The following AGAP1 variants were observed in gnomAD, a reference collection of about 807,000 sequenced individuals.
AGAP1 encodes ArfGAP with GTPase domain, ankyrin repeat and PH domain 1.
Under a neutral mutation model 105.3 loss-of-function variants are expected in AGAP1, and 29 were observed. The observed-to-expected ratio is 0.28, with a 90% CI of 0.21 to 0.38. The LOEUF (loss-of-function observed/expected upper bound fraction) is 0.38. Among genes scored for constraint, AGAP1 ranks in the 10% least tolerant of loss-of-function variants. The pLI is 1.00. For missense variants in AGAP1, 998 were observed against 1,165.1 expected (o/e 0.86, Z 2.09); for synonymous variants, 509 against 485.9 (o/e 1.05, Z -0.63).
At position 236,020,400 on chromosome 2, in the gene AGAP1, C is replaced by T. The variant is rs2056846191; in HGVS notation, c.1646-16161C>T. On this transcript the variant is annotated intron_variant, in intron 13 of 17. Coordinates refer to ENST00000304032, the MANE Select transcript of AGAP1 (RefSeq NM_001037131.3). The surrounding 1 kb of genome is among the most constrained non-coding windows in gnomAD (Gnocchi z 5.0). ...GGGGGAATTTAGAAATGAAACTTAACCTGTTATCTAGACTTTTAAACCTAC... is the reference window on the plus strand; with the variant it reads ...GGGGGAATTTAGAAATGAAACTTAATCTGTTATCTAGACTTTTAAACCTAC... Among the ~76,000 whole-genome samples the T allele has an allele frequency of 6.6e-6, 1 of 152,154 alleles. No homozygotes were observed. Among genetic ancestry groups the T allele is most frequent in the Non-Finnish European group, 1.5e-5 (1 of 68,026 alleles).
At position 235,714,547 on chromosome 2, in the gene AGAP1, G is replaced by T. The variant is rs371485225; in HGVS notation, c.223-3010G>T. Among the ~76,000 whole-genome samples, 1 of 151,654 alleles carries T rather than the reference G, an allele frequency of 6.6e-6. No individual in the cohort carries two copies. Among genetic ancestry groups the T allele is most frequent in the African/African-American group, 2.4e-5 (1 of 41,280 alleles). ...TTGACTAGAAGGCCAAGCAGGGAGC[G>T]GGCAGATGAGAGGCGGGAGGGTTGT... On this transcript the variant is annotated intron_variant, in intron 2 of 17. Transcript: ENST00000304032. This position sits in a 1 kb window ranked among gnomAD's most constrained non-coding sequence, Gnocchi z 4.1.
chr2:235,613,914 G>C (rs1946223140), intron 1 of AGAP1, among the ~76,000 whole-genome samples: 1 of 152,160 alleles, frequency 6.6e-6, no homozygotes, highest in Non-Finnish European at 1.5e-5. Context: ...TGCTGTGTAG[G>C]GGACTTAGGT....
At chr2:236,010,812 G>A (rs2056484824) in intron 13 of AGAP1, among the ~76,000 whole-genome samples, 1 of 152,182 alleles carries the variant, frequency 6.6e-6, no homozygotes, top group Admixed American at 6.6e-5. Flanking sequence ...GTTTGGGAGT[G>A]AGTCTCTCTG....
rs1269182389 is a variant in AGAP1 at position 235,596,008 on chromosome 2, G to A, written c.163+101159G>A. Among the ~76,000 whole-genome samples the A allele has an allele frequency of 1.3e-5, 2 of 152,204 alleles. No homozygotes were observed. The highest frequency in any genetic ancestry group is 2.9e-5 in the Non-Finnish European group (2 of 68,040). On this transcript the variant is annotated intron_variant, in intron 1 of 17. Transcript: ENST00000304032. The surrounding 1 kb of genome is among the most constrained non-coding windows in gnomAD (Gnocchi z 5.9). ...ACAGGGGCCGGCAGATGTTTCTGATGTTATGAAGCTATGCTCCTGGAAGTG... is the reference window on the plus strand; with the variant it reads ...ACAGGGGCCGGCAGATGTTTCTGATATTATGAAGCTATGCTCCTGGAAGTG...
At chr2:235,853,818 C>A (rs1418093651) in intron 9 of AGAP1, among the ~76,000 whole-genome samples, 1 of 151,940 alleles carries the variant, frequency 6.6e-6, no homozygotes, top group Non-Finnish European at 1.5e-5. Context: ...AGGATGGTCG[C>A]TAGCTTGTTT....
At chr2:235,834,603 T>G (rs76957179) in intron 9 of AGAP1, among the ~76,000 whole-genome samples, 2 of 152,194 alleles carry the variant, frequency 1.3e-5, no homozygotes, top group African/African-American at 4.8e-5. Flanking sequence ...AATGTCAGTT[T>G]TTTGGGTACC....
At chr2:235,509,951 C>G (rs2149024779) in intron 1 of AGAP1, among the ~76,000 whole-genome samples, 1 of 152,148 alleles carries the variant, frequency 6.6e-6, no homozygotes, top group East Asian at 1.9e-4. Flanking sequence ...GCATTAGATT[C>G]TCATAAGCGC....
chr2:236,071,351 A>C (rs534962323), intron 16 of AGAP1, among the ~76,000 whole-genome samples: 4 of 151,994 alleles, frequency 2.6e-5, no homozygotes, highest in Non-Finnish European at 5.9e-5. Context: ...CCTGCTGAGC[A>C]CCTCGGTGGT....
In AGAP1 at chr2:235,600,211, G is replaced by A. The variant is rs560903362; in HGVS notation, c.163+105362G>A. Among the ~76,000 whole-genome samples, 13 of 152,338 alleles carry A rather than the reference G, an allele frequency of 8.5e-5. No homozygotes were observed. In the South Asian group the frequency reaches 2.7e-3, roughly 32 times the overall value. Reference sequence around the variant, plus strand: ...TAGCTCATCTGGCAGCAGGGCCAGAGCTGATGATCTAATTCGGATGATTTA... The same window carrying A: ...TAGCTCATCTGGCAGCAGGGCCAGAACTGATGATCTAATTCGGATGATTTA... On this transcript the variant is annotated intron_variant, in intron 1 of 17. Coordinates refer to ENST00000304032, the MANE Select transcript of AGAP1 (RefSeq NM_001037131.3). This position sits in a 1 kb window ranked among gnomAD's most constrained non-coding sequence, Gnocchi z 4.8.
intron 15 of AGAP1, among the ~76,000 whole-genome samples, chr2:236,048,524 G>A (rs1323430913): frequency 6.6e-6 from 1 of 152,208 alleles, no homozygotes; most frequent in Non-Finnish European, 1.5e-5. Flanking sequence ...TTTCTTCACT[G>A]TAGTGTACCT....
intron 13 of AGAP1, among the ~76,000 whole-genome samples, chr2:235,999,294 T>A (rs1576013681): frequency 1.2e-5 from 1 of 82,936 alleles, no homozygotes. Context: ...TGAGAGGTGG[T>A]GGTGGTGATG....
chr2:235,884,611 C>T (rs1159295021), intron 10 of AGAP1, among the ~76,000 whole-genome samples: 1 of 151,908 alleles, frequency 6.6e-6, no homozygotes, highest in African/African-American at 2.4e-5. Context: ...CCACCATGCC[C>T]AGCTAAATTT....
rs115680140 is a variant in AGAP1 at position 235,709,138 on chromosome 2, G to T, written c.164-41G>T. On this transcript the variant is annotated intron_variant, in intron 1 of 17. Transcript: ENST00000304032. ...GGAGGCATTTTGACTTGGCCTTTAC[G>T]TGAGTTATGGTGTCTGACTTTGTGT... 2.6e-4 allele frequency: 412 copies of T among 1,607,790 alleles called. 3 individuals carry two copies. In the East Asian group the frequency reaches 8.7e-3, roughly 34 times the overall value.
chr2:235,828,113 C>G (rs1959166751), intron 9 of AGAP1, among the ~76,000 whole-genome samples: 1 of 152,206 alleles, frequency 6.6e-6, no homozygotes, highest in South Asian at 2.1e-4. Context: ...CAAATGTTTT[C>G]TGGCTTGTTC....
intron 1 of AGAP1, among the ~76,000 whole-genome samples, chr2:235,658,764 T>C (rs988206871): frequency 6.6e-6 from 1 of 152,240 alleles, no homozygotes; most frequent in African/African-American, 2.4e-5. Context: ...TCCTAATCAC[T>C]GGGCTGTTCT....
chr2:235,954,241 A>C (rs1575872352), intron 12 of AGAP1, among the ~76,000 whole-genome samples: 1 of 21,642 alleles, frequency 4.6e-5, no homozygotes, highest in African/African-American at 4.6e-4. Flanking sequence ...TCTGCCTCCA[A>C]AAAAAAAAAA....
intron 9 of AGAP1, among the ~76,000 whole-genome samples, chr2:235,818,428 C>T (rs548763142): frequency 1.3e-5 from 2 of 152,252 alleles, no homozygotes; most frequent in East Asian, 3.9e-4. Flanking sequence ...CTGTGCTCAC[C>T]ATGACCGTCT....
At chr2:236,034,868 G>A (rs1404104374) in intron 13 of AGAP1, among the ~76,000 whole-genome samples, 2 of 152,194 alleles carry the variant, frequency 1.3e-5, no homozygotes, top group Non-Finnish European at 2.9e-5. Flanking sequence ...GAGGCCATGG[G>A]CCCTCTCTGG....
In AGAP1 at chr2:235,971,283, C is replaced by T. The variant is rs184665356; in HGVS notation, c.1645+2660C>T. Among the ~76,000 whole-genome samples the T allele has an allele frequency of 6.6e-6, 1 of 152,156 alleles. No homozygotes were observed. The highest frequency in any genetic ancestry group is 2.4e-5 in the African/African-American group (1 of 41,426). ...TCATTTTTTCAAAGCCACATTTTCC[C>T]CCCAAATTGTAACATATCTGAAGTC... is the stretch of plus-strand genomic sequence containing the variant. On this transcript the variant is annotated intron_variant, in intron 13 of 17. Coordinates refer to ENST00000304032, the MANE Select transcript of AGAP1 (RefSeq NM_001037131.3). The surrounding 1 kb of genome is among the most constrained non-coding windows in gnomAD (Gnocchi z 4.8).
Sources: allele counts gnomAD v4.1 joint callset (sites outside exome capture counted in the v4.1 genomes callset), GRCh38; gene constraint gnomAD v4.1.1; non-coding constraint Gnocchi (gnomAD v3.1); transcripts MANE v1.5; gene names NCBI Gene and HGNC (gene_info 2026-07-23, HGNC 2026-07-21).